SNX4: variants seen among roughly 807,000 people sequenced by gnomAD.
SNX4 encodes sorting nexin-4.
In SNX4, 49 loss-of-function variants were observed where a neutral mutation model predicts 70.8. The observed-to-expected ratio is 0.69, with a 90% confidence interval of 0.55 to 0.88. SNX4 has a LOEUF of 0.88. Among genes scored for constraint, SNX4 ranks in the 40% least tolerant of loss-of-function variants. SNX4 has a pLI of 0.00. For synonymous variants in SNX4, 206 were observed against 183.8 expected (o/e 1.12, Z -0.98); for missense variants, 528 against 544.8 (o/e 0.97, Z 0.31).
At position 125,451,367 on chromosome 3, in the gene SNX4, T is replaced by C; in HGVS notation, c.1243A>G (p.Asn415Asp). 6.2e-7 allele frequency: 1 copy of C among 1,614,034 alleles called. No homozygotes were observed. The highest frequency in any genetic ancestry group is 8.5e-7 in the Non-Finnish European group (1 of 1,179,944). ...ADIERFKEQK[N>D]RDLKEALISY... ...ATGAGGGCCTCCTTTAAGTCTCGGT[T>C]CTTTTGTTCTTTGAAGCGTTCAATA... The change falls in exon 13 of 14, where the codon AAC becomes GAC. Residue 415 changes from asparagine to aspartate, a missense_variant. By Grantham distance (23) the Asn-to-Asp change is conservative. Around this residue, in one of 3 missense-constraint regions of SNX4, gnomAD observed 159 missense variants for 172.6 expected, o/e 0.92. Coordinates refer to ENST00000251775, the MANE Select transcript of SNX4 (RefSeq NM_003794.4).
At chr3:125,509,177 C>T (rs1935111313) in intron 1 of SNX4, among the ~76,000 whole-genome samples, 1 of 150,702 alleles carries the variant, frequency 6.6e-6, no homozygotes, top group South Asian at 2.1e-4. Flanking sequence ...TACAAAAATA[C>T]AAAAATTAGC....
chr3:125,460,695 T>A, intron 10 of SNX4, 76 bp downstream of exon 10: 1 of 615,864 alleles, frequency 1.6e-6, no homozygotes. Flanking sequence ...CACTCTACTA[T>A]CTGTACTTTA....
intron 7 of SNX4, among the ~76,000 whole-genome samples, chr3:125,476,981 T>A (rs1934303215): frequency 6.6e-6 from 1 of 152,220 alleles, no homozygotes; most frequent in South Asian, 2.1e-4. Context: ...AAGTTTTTAA[T>A]TACTGTTTTT....
intron 6 of SNX4, among the ~76,000 whole-genome samples, chr3:125,488,156 A>G (rs1358119298): frequency 6.7e-6 from 1 of 149,880 alleles, no homozygotes; most frequent in East Asian, 1.9e-4. Context: ...CTGCTGTAAA[A>G]AAAAAAATAG....
intron 6 of SNX4, among the ~76,000 whole-genome samples, chr3:125,480,718 C>A: frequency 6.6e-6 from 1 of 152,134 alleles, no homozygotes; most frequent in Non-Finnish European, 1.5e-5. Flanking sequence ...CTATTAACTG[C>A]CATTTTCCAT....
At chr3:125,453,727 A>G (rs1933636454) in intron 12 of SNX4, 83 bp downstream of exon 12, 3 of 1,311,040 alleles carry the variant, frequency 2.3e-6, no homozygotes. Flanking sequence ...GGGAATTGTT[A>G]CCAAAATAAA....
intron 9 of SNX4, among the ~76,000 whole-genome samples, chr3:125,467,242 C>G (rs969481483): frequency 6.6e-6 from 1 of 151,938 alleles, no homozygotes; most frequent in African/African-American, 2.4e-5. Context: ...CCAAAATTAG[C>G]CGGGTGTGGT....
chr3:125,469,408 T>C (rs1280165675), intron 9 of SNX4, 46 bp downstream of exon 9: 2 of 1,308,132 alleles, frequency 1.5e-6, no homozygotes. Flanking sequence ...AATGCTTCAC[T>C]ACAGGACTTC....
At chr3:125,504,855 T>C (rs1580007090) in intron 1 of SNX4, 111 bp from the exon 2 acceptor site, 1 of 1,214,816 alleles carries the variant, frequency 8.2e-7, no homozygotes, top group East Asian at 2.7e-5. Flanking sequence ...TATTTCAAAA[T>C]AGTTACTTAT....
At chr3:125,506,838 A>G (rs1474234779) in intron 1 of SNX4, among the ~76,000 whole-genome samples, 9 of 137,640 alleles carry the variant, frequency 6.5e-5, no homozygotes, top group African/African-American at 2.5e-4. Context: ...AAAAAAAAAA[A>G]AAAAAAAAAA....
At chr3:125,461,900 G>A (rs1248233032) in intron 9 of SNX4, among the ~76,000 whole-genome samples, 7 of 152,014 alleles carry the variant, frequency 4.6e-5, no homozygotes, top group Admixed American at 2.6e-4. Context: ...TGACCCACTC[G>A]CCTCAGCCTC....
At chr3:125,473,864 C>A (rs1034688664) in intron 8 of SNX4, among the ~76,000 whole-genome samples, 14 of 152,140 alleles carry the variant, frequency 9.2e-5, no homozygotes, top group African/African-American at 3.1e-4. Context: ...CTTGCTCTAA[C>A]CCTCTAATAT....
At chr3:125,463,729 C>T (rs1191710340) in intron 9 of SNX4, among the ~76,000 whole-genome samples, 1 of 152,110 alleles carries the variant, frequency 6.6e-6, no homozygotes, top group Non-Finnish European at 1.5e-5. Context: ...ATGTATACAT[C>T]ATGAAATGAT....
intron 5 of SNX4, among the ~76,000 whole-genome samples, chr3:125,491,436 A>G (rs1203810355): frequency 6.6e-6 from 1 of 152,152 alleles, no homozygotes. Flanking sequence ...CCAGCAATTT[A>G]TTTTTTACTT....
At chr3:125,511,480 A>G (rs1257357086) in intron 1 of SNX4, among the ~76,000 whole-genome samples, 1 of 152,226 alleles carries the variant, frequency 6.6e-6, no homozygotes, top group Non-Finnish European at 1.5e-5. Flanking sequence ...AGTTTTAAGA[A>G]GAGCAGACTC....
intron 8 of SNX4, among the ~76,000 whole-genome samples, chr3:125,470,884 T>A (rs1045793431): frequency 1.3e-5 from 2 of 152,134 alleles, no homozygotes; most frequent in African/African-American, 4.8e-5. Flanking sequence ...ACTGTCCTCA[T>A]CTACCCCAAC....
intron 13 of SNX4, among the ~76,000 whole-genome samples, chr3:125,450,603 G>A (rs564668592): frequency 2.6e-5 from 4 of 152,104 alleles, no homozygotes; most frequent in Non-Finnish European, 4.4e-5. Flanking sequence ...GCAGATCTTA[G>A]GTTATAAAAA....
chr3:125,506,096 T>TA (rs999274535), intron 1 of SNX4, among the ~76,000 whole-genome samples: 1 of 151,934 alleles, frequency 6.6e-6, no homozygotes, highest in Non-Finnish European at 1.5e-5. Context: ...CTACAGTAAT[T>TA]AAAAAATAAA....
At chr3:125,519,948 G>GGCTCA in intron 1 of SNX4, 84 bp downstream of exon 1, 2 of 774,426 alleles carry the variant, frequency 2.6e-6, no homozygotes, top group Non-Finnish European at 3.5e-6. Flanking sequence ...GGCCCGGCCC[G>GGCTCA]GCCCAGCCCA....
Sources: gnomAD v4.1 joint callset for allele counts (sites outside exome capture counted in the v4.1 genomes callset) on GRCh38, gnomAD v4.1.1 for gene constraint, gnomAD v4.1.1 regional missense constraint, MANE v1.5 for transcripts, NCBI Gene and HGNC (gene_info 2026-07-23, HGNC 2026-07-21) for gene names.